The following ARHGEF4 variants were observed in gnomAD, a reference collection of about 807,000 sequenced individuals.
ARHGEF4 encodes the protein APC-stimulated guanine nucleotide exchange factor 1.
A neutral mutation model predicts 162.0 loss-of-function variants in ARHGEF4; 119 were observed. The ratio of observed to expected loss-of-function variants is 0.73; its 90% CI spans 0.63 to 0.86. ARHGEF4 has a LOEUF of 0.86. Among genes scored for constraint, ARHGEF4 ranks in the 40% least tolerant of loss-of-function variants. The pLI, the probability that ARHGEF4 is intolerant of heterozygous loss-of-function variation, is 0.00. For synonymous variants in ARHGEF4, 1,014 were observed against 979.9 expected (o/e 1.03, Z -0.65); for missense variants, 2,488 against 2,456.0 (o/e 1.01, Z -0.28).
chr2:130,958,024 AAAAG>A (rs1243073490), intron 4 of ARHGEF4, among the ~76,000 whole-genome samples: 37 of 151,906 alleles, frequency 2.4e-4, no homozygotes, highest in Admixed American at 7.9e-4. Flanking sequence ...ACAAAAAAAA[AAAAG>A]AAAGAAGCAG....
At chr2:130,994,861 T>C (rs1248208534) in intron 4 of ARHGEF4, among the ~76,000 whole-genome samples, 2 of 152,256 alleles carry the variant, frequency 1.3e-5, no homozygotes, top group Non-Finnish European at 2.9e-5. Flanking sequence ...TAGATGCCAT[T>C]ACATTGTGTT....
At chr2:130,981,666 A>G (rs1573516841) in intron 4 of ARHGEF4, among the ~76,000 whole-genome samples, 2 of 151,848 alleles carry the variant, frequency 1.3e-5, no homozygotes, top group Non-Finnish European at 1.5e-5. Context: ...TCAAAAAAAA[A>G]AAAAAAGAAA....
intron 1 of ARHGEF4, among the ~76,000 whole-genome samples, chr2:130,865,082 G>A (rs35895713): frequency 0.21 from 31,989 of 152,130 alleles, 4,106 homozygotes; most frequent in African/African-American, 0.34. Context: ...GACTTGCTAC[G>A]TAAGCAAGGA....
intron 1 of ARHGEF4, among the ~76,000 whole-genome samples, chr2:130,870,674 G>C (rs774678334): frequency 8.5e-5 from 13 of 152,176 alleles, no homozygotes; most frequent in Non-Finnish European, 1.6e-4. Context: ...GGGAGGGGAA[G>C]GGAACTCACT....
intron 4 of ARHGEF4, among the ~76,000 whole-genome samples, chr2:130,995,078 C>G (rs1263902738): frequency 6.6e-6 from 1 of 152,240 alleles, no homozygotes; most frequent in East Asian, 1.9e-4. Flanking sequence ...ATGTCTGTCA[C>G]TTATTTTGGA....
chr2:130,979,506 T>C lies in ARHGEF4; in HGVS notation c.3985+32871T>C, dbSNP rs368919798. Among the ~76,000 whole-genome samples the C allele has an allele frequency of 1.7e-4, 26 of 152,042 alleles. No homozygotes were observed. In the East Asian group the frequency reaches 4.6e-3, roughly 27 times the overall value. On this transcript the variant is annotated intron_variant, in intron 4 of 13. Transcript: ENST00000409359. ...ATCCCAGCACTTTGGGAGGCCGAGG[T>C]GGGCAGATCACCTGAGGTCAGGAAT...
rs555031313 is a variant in ARHGEF4 at position 130,842,425 on chromosome 2, A to G, written c.39+5433A>G. 3.6e-4 allele frequency among the ~76,000 whole-genome samples: 55 copies of G among 152,206 alleles called. 1 individual carries two copies. The highest frequency in any genetic ancestry group is 1.3e-3 in the Admixed American group (20 of 15,284). ...CTCAGGCCTGTGGCTGCAGAAGAGA[A>G]GAGATACTCGTACTTTATGTAGAGT... On this transcript the variant is annotated intron_variant, in intron 1 of 13. Coordinates refer to ENST00000409359, the MANE Select transcript of ARHGEF4 (RefSeq NM_001367493.1).
At chr2:130,945,409 G>T (rs928487196) in intron 3 of ARHGEF4, among the ~76,000 whole-genome samples, 2 of 152,052 alleles carry the variant, frequency 1.3e-5, no homozygotes, top group Non-Finnish European at 2.9e-5. Context: ...GAGGATTCCT[G>T]TCCCTCAGAA....
At chr2:130,927,672 C>T (rs139392000) in intron 2 of ARHGEF4, among the ~76,000 whole-genome samples, 5 of 150,142 alleles carry the variant, frequency 3.3e-5, no homozygotes, top group African/African-American at 1.2e-4. Context: ...GTTCAGCATC[C>T]ATATAGGAAG....
intron 4 of ARHGEF4, among the ~76,000 whole-genome samples, chr2:131,001,668 A>C (rs72860141): frequency 0.13 from 20,069 of 152,154 alleles, 1,430 homozygotes; most frequent in South Asian, 0.21. Flanking sequence ...AAACTCTTCC[A>C]TGTATGCATA....
chr2:130,879,283 C>G (rs1043482340), intron 1 of ARHGEF4, among the ~76,000 whole-genome samples: 7 of 152,130 alleles, frequency 4.6e-5, no homozygotes, highest in Admixed American at 6.5e-5. Flanking sequence ...GAAGATATGT[C>G]TCTTTTACAG....
intron 1 of ARHGEF4, among the ~76,000 whole-genome samples, chr2:130,905,002 A>G (rs1402529708): frequency 1.3e-5 from 2 of 152,180 alleles, no homozygotes; most frequent in African/African-American, 2.4e-5. Context: ...TCGCTTGAAC[A>G]TCGGAGGCAG....
At chr2:130,845,882 A>G (rs1430379695) in intron 1 of ARHGEF4, among the ~76,000 whole-genome samples, 2 of 152,228 alleles carry the variant, frequency 1.3e-5, no homozygotes, top group Non-Finnish European at 2.9e-5. Flanking sequence ...GCGAACCTAC[A>G]GTGACAGAAA....
intron 4 of ARHGEF4, among the ~76,000 whole-genome samples, chr2:131,027,040 C>G (rs563233045): frequency 2.6e-4 from 40 of 152,282 alleles, no homozygotes; most frequent in African/African-American, 9.1e-4. Flanking sequence ...TTAGTGGGGC[C>G]GTCATGAAAG....
At position 130,864,284 on chromosome 2, in the gene ARHGEF4, A is replaced by G. The variant is rs377596380; in HGVS notation, c.39+27292A>G. Among the ~76,000 whole-genome samples, 5 of 152,316 alleles carry G rather than the reference A, an allele frequency of 3.3e-5. No individual in the cohort carries two copies. The East Asian group carries it at 5.8e-4, about 18-fold the overall frequency. Reference sequence around the variant, plus strand: ...ATAATTACGCCTAGTCACAGGAGCCAGTCACAAAGAACTATATTGCATGAT... The same window carrying G: ...ATAATTACGCCTAGTCACAGGAGCCGGTCACAAAGAACTATATTGCATGAT... On this transcript the variant is annotated intron_variant, in intron 1 of 13. Transcript: ENST00000409359.
intron 4 of ARHGEF4, among the ~76,000 whole-genome samples, chr2:130,950,211 C>T (rs1458384676): frequency 2.0e-5 from 3 of 152,220 alleles, no homozygotes; most frequent in Admixed American, 6.5e-5. Flanking sequence ...GCTCCTCCCC[C>T]TCACTAGAAT....
In ARHGEF4 at chr2:130,844,884, G is replaced by A. The variant is rs202100645; in HGVS notation, c.39+7892G>A. On this transcript the variant is annotated intron_variant, in intron 1 of 13. Transcript: ENST00000409359. The stretch of plus-strand genomic sequence containing the variant: ...TTGTCACCCAGGCTGGAGTGTAATG[G>A]CGCGATCTCATCTCATTGCAACCTC... Among the ~76,000 whole-genome samples, 74 of 151,948 alleles carry A rather than the reference G, an allele frequency of 4.9e-4. No homozygotes were observed. The East Asian group carries it at 0.013, about 26-fold the overall frequency.
intron 1 of ARHGEF4, among the ~76,000 whole-genome samples, chr2:130,877,527 C>G (rs1678934125): frequency 6.6e-6 from 1 of 152,264 alleles, no homozygotes; most frequent in Admixed American, 6.5e-5. Flanking sequence ...GCACATGCCT[C>G]TAGTTCCAGC....
At chr2:130,864,429 G>A (rs1040737386) in intron 1 of ARHGEF4, among the ~76,000 whole-genome samples, 1 of 151,736 alleles carries the variant, frequency 6.6e-6, no homozygotes, top group Non-Finnish European at 1.5e-5. Flanking sequence ...GAATGTTAAG[G>A]AGTATGGCGT....
Sources: gnomAD v4.1 joint callset for allele counts (sites outside exome capture counted in the v4.1 genomes callset) on GRCh38, gnomAD v4.1.1 for gene constraint, MANE v1.5 for transcripts, NCBI Gene and HGNC (gene_info 2026-07-23, HGNC 2026-07-21) for gene names.